DMTN: variants seen among roughly 807,000 people sequenced by gnomAD.
DMTN encodes dematin actin binding protein.
Under a neutral mutation model 59.4 loss-of-function variants are expected in DMTN, and 27 were observed. That is an observed-to-expected ratio of 0.45 (90% CI 0.33 to 0.63). The LOEUF is 0.63. Ranked by LOEUF, DMTN falls within the 20% of genes least tolerant of loss-of-function variation. DMTN has a pLI of 0.02. For missense variants in DMTN, 451 were observed against 528.9 expected, an observed-to-expected ratio of 0.85 and a Z score of 1.45; for synonymous variants, 221 against 203.7, an observed-to-expected ratio of 1.08 and a Z score of -0.72.
In DMTN at chr8:22,057,051, G is replaced by C. The variant is rs1168673133; in HGVS notation, c.-257G>C. ...AGAGACACCTATTACCTAGGCTCCT[G>C]GGGGAAGTGACAGCCCGTGGATCTG... On this transcript the variant is annotated 5_prime_UTR_variant, in exon 1 of 16. Transcript: ENST00000358242. The C allele has an allele frequency of 2.7e-5, 4 of 149,760 alleles. No individual in the cohort carries two copies. Among genetic ancestry groups the C allele is most frequent in the Non-Finnish European group, 5.9e-5 (4 of 67,940 alleles). 9.3% of individuals were successfully genotyped at this position (149,760 alleles called of 1,614,324 possible).
chr8:22,074,887 C>G (rs1818489736), intron 10 of DMTN, among the ~76,000 whole-genome samples: 1 of 152,104 alleles, frequency 6.6e-6, no homozygotes. Context: ...AGCTGCAAAG[C>G]CTCTTAAAGC....
intron 15 of DMTN, 57 bp downstream of exon 15, chr8:22,081,250 C>T (rs1824096150): frequency 6.2e-7 from 1 of 1,608,384 alleles, no homozygotes; most frequent in Non-Finnish European, 8.5e-7. Context: ...ACTCTCCTGC[C>T]TGGGGGAAGA....
intron 1 of DMTN, among the ~76,000 whole-genome samples, chr8:22,064,431 CACCA>C (rs1808891983): frequency 6.6e-6 from 1 of 152,038 alleles, no homozygotes; most frequent in Non-Finnish European, 1.5e-5. Context: ...TTTCCATGGG[CACCA>C]ACACCTTGTG....
In DMTN at chr8:22,073,653, GAAAGAAAA is replaced by G. The variant is rs759192482; in HGVS notation, c.730-73_730-66del. The G allele has an allele frequency of 8.6e-5, 62 of 718,516 alleles. 2 individuals carry two copies. The highest frequency in any genetic ancestry group is 2.4e-4 in the Admixed American group (5 of 20,622). The allele number at this position is 718,516 out of a possible 1,614,324, so 44.5% of individuals were successfully genotyped here. A position where few individuals can be genotyped will look rare whatever the true frequency, so the allele number is the denominator to read the frequency against. On this transcript the variant is annotated intron_variant, in intron 9 of 15. Coordinates refer to ENST00000358242, the MANE Select transcript of DMTN (RefSeq NM_001387751.1). ...CTCAAAAAAAAAAAAAAAAAAAAAAGAAAGAAAAAAAAAAAGAGAAAAAAGAAACATTC... is the reference window on the plus strand; with the variant it reads ...CTCAAAAAAAAAAAAAAAAAAAAAAGAAAAAAAGAGAAAAAAGAAACATTC...
chr8:22,067,406 A>G, intron 3 of DMTN, 121 bp from the exon 4 acceptor site: 1 of 1,401,324 alleles, frequency 7.1e-7, no homozygotes, highest in Non-Finnish European at 9.7e-7. Flanking sequence ...AAAATAATAG[A>G]ATTGTTAACG....
chr8:22,074,386 A>G (rs1337780931), intron 10 of DMTN, among the ~76,000 whole-genome samples: 1 of 152,098 alleles, frequency 6.6e-6, no homozygotes, highest in African/African-American at 2.4e-5. Flanking sequence ...CAATCCTCCT[A>G]CCTCAGCCTT....
intron 6 of DMTN, 86 bp downstream of exon 6, chr8:22,069,604 C>T (rs1813607360): frequency 8.4e-7 from 1 of 1,196,828 alleles, no homozygotes; most frequent in Non-Finnish European, 1.2e-6. Flanking sequence ...CCCCCACTCT[C>T]TGGGGTATAT....
chr8:22,067,709 T>G, intron 4 of DMTN, 27 bp downstream of exon 4: 1 of 1,608,144 alleles, frequency 6.2e-7, no homozygotes, highest in East Asian at 2.2e-5. Flanking sequence ...TGGGCAGGAC[T>G]CCGGGGGAGG....
chr8:22,049,845 TCTC>T (rs1336071743), upstream of DMTN, among the ~76,000 whole-genome samples: 3 of 152,062 alleles, frequency 2.0e-5, no homozygotes, highest in South Asian at 2.1e-4. Context: ...ACACATCCCT[TCTC>T]CTCTCTGCTC....
At chr8:22,059,859 G>C (rs1805046863) in intron 1 of DMTN, among the ~76,000 whole-genome samples, 1 of 152,218 alleles carries the variant, frequency 6.6e-6, no homozygotes, top group South Asian at 2.1e-4. Flanking sequence ...GGGAGCCACA[G>C]TCTGGATCAG....
At chr8:22,069,351 G>A in intron 5 of DMTN, 68 bp from the exon 6 acceptor site, 2 of 1,345,424 alleles carry the variant, frequency 1.5e-6, no homozygotes, top group Admixed American at 4.2e-5. Context: ...GGTGGTGTGA[G>A]CTGATGGGGT....
intron 10 of DMTN, among the ~76,000 whole-genome samples, chr8:22,079,569 G>T (rs1013328367): frequency 6.6e-6 from 1 of 151,874 alleles, no homozygotes; most frequent in Non-Finnish European, 1.5e-5. Flanking sequence ...CAGGAGTTCA[G>T]GTTCAGCCTG....
upstream of DMTN, among the ~76,000 whole-genome samples, chr8:22,050,734 G>C (rs1798037276): frequency 6.6e-6 from 1 of 152,254 alleles, no homozygotes; most frequent in Non-Finnish European, 1.5e-5. Flanking sequence ...GAGGTATCCA[G>C]CGCCTGCTCC....
chr8:22,076,083 G>A (rs892812959), intron 10 of DMTN, among the ~76,000 whole-genome samples: 2 of 152,138 alleles, frequency 1.3e-5, no homozygotes, highest in Admixed American at 6.6e-5. Flanking sequence ...CTTGGGTGCT[G>A]GGTGATGACC....
intron 9 of DMTN, 86 bp downstream of exon 9, chr8:22,072,536 A>G (rs1356473803): frequency 2.9e-6 from 4 of 1,382,798 alleles, no homozygotes; most frequent in Non-Finnish European, 3.9e-6. Flanking sequence ...ATGATCTCAG[A>G]TCACTGCAAC....
chr8:22,078,954 G>A (rs946535475), intron 10 of DMTN, among the ~76,000 whole-genome samples: 1 of 151,572 alleles, frequency 6.6e-6, no homozygotes, highest in African/African-American at 2.4e-5. Context: ...CTGCTACCAC[G>A]CCCGGCTAAT....
chr8:22,062,693 C>T (rs1807517002), intron 1 of DMTN, among the ~76,000 whole-genome samples: 2 of 151,692 alleles, frequency 1.3e-5, no homozygotes, highest in South Asian at 2.1e-4. Flanking sequence ...TCCCTAACCA[C>T]GAGGCCACTA....
intron 10 of DMTN, among the ~76,000 whole-genome samples, chr8:22,076,924 G>A (rs897120535): frequency 1.3e-5 from 2 of 152,116 alleles, no homozygotes; most frequent in Admixed American, 6.5e-5. Flanking sequence ...GTTGTCTGCT[G>A]AGCGTTAGAG....
upstream of DMTN, among the ~76,000 whole-genome samples, chr8:22,053,945 A>G (rs566312355): frequency 6.6e-6 from 1 of 152,286 alleles, no homozygotes; most frequent in Admixed American, 6.5e-5. Context: ...GGGGGAGTTC[A>G]GTTCAGCTGG....
Sources: allele counts gnomAD v4.1 joint callset (sites outside exome capture counted in the v4.1 genomes callset), GRCh38; gene constraint gnomAD v4.1.1; transcripts MANE v1.5; gene names NCBI Gene and HGNC (gene_info 2026-07-23, HGNC 2026-07-21).